The following TACR1 variants were observed in gnomAD, a reference collection of about 807,000 sequenced individuals.
TACR1 encodes the protein substance-P receptor.
In TACR1, 25 loss-of-function variants were observed where a neutral mutation model predicts 35.8. The observed-to-expected ratio is 0.70, with a 90% CI of 0.51 to 0.98. The LOEUF (loss-of-function observed/expected upper bound fraction) is 0.98. TACR1 is among the 50% of genes least tolerant of loss of function. TACR1 has a pLI of 0.00. For missense variants in TACR1, 478 were observed against 522.9 expected, an observed-to-expected ratio of 0.91 and a Z score of 0.84; for synonymous variants, 195 against 206.7, an observed-to-expected ratio of 0.94 and a Z score of 0.48.
At chr2:75,154,434 A>C (rs1558572368) in intron 1 of TACR1, 1 of 104,188 alleles carries the variant, frequency 9.6e-6, no homozygotes. Context: ...ACACACACAC[A>C]CACACACACA....
At chr2:75,115,197 A>AACAT (rs5832149) in intron 2 of TACR1, among the ~76,000 whole-genome samples, 1 of 151,100 alleles carries the variant, frequency 6.6e-6, no homozygotes, top group African/African-American at 2.4e-5. Flanking sequence ...CAGATTATAA[A>AACAT]ATATATATAT....
intron 2 of TACR1, among the ~76,000 whole-genome samples, chr2:75,085,458 G>A (rs886560342): frequency 2.0e-5 from 3 of 152,134 alleles, no homozygotes; most frequent in Non-Finnish European, 1.5e-5. Flanking sequence ...TGGTCCTAGC[G>A]CAATCGCACT....
intron 1 of TACR1, among the ~76,000 whole-genome samples, chr2:75,176,234 C>T (rs368752666): frequency 2.0e-5 from 3 of 151,772 alleles, no homozygotes; most frequent in East Asian, 1.9e-4. Flanking sequence ...ACAGTTAGGA[C>T]ATTATATTGA....
intron 2 of TACR1, among the ~76,000 whole-genome samples, chr2:75,076,466 C>T (rs775798230): frequency 6.6e-5 from 10 of 152,186 alleles, no homozygotes; most frequent in Non-Finnish European, 1.3e-4. Context: ...TTTGGTTTGT[C>T]TCTCAGAGTC....
intron 2 of TACR1, among the ~76,000 whole-genome samples, chr2:75,084,166 C>T (rs898435848): frequency 6.6e-6 from 1 of 152,204 alleles, no homozygotes; most frequent in Non-Finnish European, 1.5e-5. Context: ...AAGGCCTTTT[C>T]TGCATCTATT....
intron 1 of TACR1, chr2:75,188,138 CG>C (rs1572990872): frequency 6.6e-6 from 1 of 152,278 alleles, no homozygotes; most frequent in East Asian, 1.9e-4. Flanking sequence ...GTTCCCATCA[CG>C]AATTCTAAAG....
intron 2 of TACR1, among the ~76,000 whole-genome samples, chr2:75,084,280 C>G (rs1673149276): frequency 6.6e-6 from 1 of 152,206 alleles, no homozygotes; most frequent in Admixed American, 6.5e-5. Context: ...ATGAAGCCCA[C>G]TTGATCGTGG....
At chr2:75,126,221 C>G (rs769473192) in intron 1 of TACR1, among the ~76,000 whole-genome samples, 3 of 152,114 alleles carry the variant, frequency 2.0e-5, no homozygotes, top group African/African-American at 4.8e-5. Context: ...TAGCCTCCAA[C>G]TCCATTCATG....
chr2:75,157,465 G>A (rs1313937346), intron 1 of TACR1, among the ~76,000 whole-genome samples: 3 of 152,128 alleles, frequency 2.0e-5, no homozygotes, highest in African/African-American at 7.2e-5. Flanking sequence ...ATCAGAGCTT[G>A]CATTGTTAAG....
chr2:75,185,683 G>A (rs1368240910), intron 1 of TACR1, among the ~76,000 whole-genome samples: 3 of 152,226 alleles, frequency 2.0e-5, no homozygotes, highest in South Asian at 2.1e-4. Flanking sequence ...TAGGAATATG[G>A]ATAAAGGAAC....
chr2:75,184,688 C>T (rs1048223460), intron 1 of TACR1, among the ~76,000 whole-genome samples: 1 of 150,344 alleles, frequency 6.7e-6, no homozygotes, highest in Admixed American at 6.6e-5. Flanking sequence ...TCATTAGCAA[C>T]CAAAAAAGTT....
At chr2:75,190,763 TAGA>T (rs1242233362) in intron 1 of TACR1, among the ~76,000 whole-genome samples, 1 of 152,158 alleles carries the variant, frequency 6.6e-6, no homozygotes, top group Non-Finnish European at 1.5e-5. Context: ...TACTAAGTGG[TAGA>T]ACCAGCACTG....
At chr2:75,080,393 C>T (rs570533895) in intron 2 of TACR1, among the ~76,000 whole-genome samples, 7 of 152,276 alleles carry the variant, frequency 4.6e-5, no homozygotes, top group Non-Finnish European at 7.3e-5. Context: ...GAGCATCTAT[C>T]GCCATTGGTA....
At chr2:75,170,830 A>G (rs1485815531) in intron 1 of TACR1, among the ~76,000 whole-genome samples, 4 of 152,182 alleles carry the variant, frequency 2.6e-5, no homozygotes, top group African/African-American at 9.7e-5. Flanking sequence ...GGCGGAAGAA[A>G]TTTCTAAGCA....
At chr2:75,103,215 A>G (rs1673573700) in intron 2 of TACR1, among the ~76,000 whole-genome samples, 1 of 152,130 alleles carries the variant, frequency 6.6e-6, no homozygotes, top group Non-Finnish European at 1.5e-5. Flanking sequence ...AATAGAAGAA[A>G]CCAGGGCTTC....
intron 1 of TACR1, among the ~76,000 whole-genome samples, chr2:75,130,676 A>G (rs1572947280): frequency 6.6e-6 from 1 of 152,350 alleles, no homozygotes; most frequent in East Asian, 1.9e-4. Flanking sequence ...GCACAAAATG[A>G]TTTTAGACAT....
intron 1 of TACR1, among the ~76,000 whole-genome samples, chr2:75,161,050 G>T (rs574557126): frequency 6.6e-6 from 1 of 151,902 alleles, no homozygotes; most frequent in South Asian, 2.1e-4. Flanking sequence ...AGTGATAATT[G>T]TCTACCTAAG....
rs2103773711 is a variant in TACR1, at chr2:75,048,404, C to T, written c.*1028G>A. 2.0e-5 allele frequency: 3 copies of T among 152,308 alleles called. No homozygotes were observed. The highest frequency in any genetic ancestry group is 2.0e-4 in the Admixed American group (3 of 15,300). 9.4% of individuals were successfully genotyped at this position (152,308 alleles called of 1,614,324 possible). A position where few individuals can be genotyped will look rare whatever the true frequency, so the allele number is the denominator to read the frequency against. ...AGGCCTTGGCATGAAGTCCTCTGCT[C>T]TGTCAAAAGCCAAAACCTTCCATGA... On this transcript the variant is annotated 3_prime_UTR_variant, in exon 5 of 5. Transcript: ENST00000305249.
chr2:75,175,280 C>A (rs1322473381), intron 1 of TACR1, among the ~76,000 whole-genome samples: 1 of 152,134 alleles, frequency 6.6e-6, no homozygotes, highest in East Asian at 1.9e-4. Flanking sequence ...GAAATATTGT[C>A]CCACGCCCCA....
Sources: gnomAD v4.1 joint callset for allele counts (sites outside exome capture counted in the v4.1 genomes callset) on GRCh38, gnomAD v4.1.1 for gene constraint, MANE v1.5 for transcripts, NCBI Gene and HGNC (gene_info 2026-07-23, HGNC 2026-07-21) for gene names.